CFAP54: variants seen among roughly 807,000 people sequenced by gnomAD.
CFAP54 encodes cilia- and flagella-associated protein 54.
A neutral mutation model predicts 370.4 loss-of-function variants in CFAP54; 290 were observed. The observed-to-expected ratio is 0.78, with a 90% CI of 0.71 to 0.86. The LOEUF is 0.86. Among genes scored for constraint, CFAP54 ranks in the 40% least tolerant of loss-of-function variants. The probability of loss-of-function intolerance (pLI) is 0.00; values close to 1 mark genes in which losing one functional copy is unlikely to be tolerated. For synonymous variants in CFAP54, 1,206 were observed against 1,236.5 expected (o/e 0.98, Z 0.52); for missense variants, 3,399 against 3,528.7 (o/e 0.96, Z 0.93).
Position 96,739,859 on chromosome 12 carries a change from G to A in CFAP54, c.6966-97G>A, listed in dbSNP as rs945019146. On this transcript the variant is annotated intron_variant, in intron 50 of 67. Coordinates refer to ENST00000524981, the MANE Select transcript of CFAP54 (RefSeq NM_001306084.2). ...ACAGTTTTGGGGGTTGTTGGCTGGGGTGTGAGAATGTTTTTTGGAGAAAGT... is the reference window on the plus strand; with the variant it reads ...ACAGTTTTGGGGGTTGTTGGCTGGGATGTGAGAATGTTTTTTGGAGAAAGT... 4.2e-6 allele frequency: 3 copies of A among 714,740 alleles called. No homozygotes were observed. In the African/African-American group the frequency reaches 5.4e-5, roughly 13 times the overall value. 44.3% of individuals were successfully genotyped at this position (714,740 alleles called of 1,614,324 possible). A position where few individuals can be genotyped will look rare whatever the true frequency, so the allele number is the denominator to read the frequency against.
chr12:96,637,095 C>T (rs930233561), intron 32 of CFAP54, among the ~76,000 whole-genome samples: 2 of 149,244 alleles, frequency 1.3e-5, no homozygotes, highest in Non-Finnish European at 2.9e-5. Context: ...GAATCCACTT[C>T]CTGTTTCTAC....
chr12:96,541,388 C>T (rs980729725), intron 14 of CFAP54, among the ~76,000 whole-genome samples: 5 of 151,158 alleles, frequency 3.3e-5, no homozygotes, highest in Admixed American at 2.6e-4. Flanking sequence ...CAGGTTCAAG[C>T]GATTCTCCTG....
In CFAP54 at chr12:96,664,769, ATCTATATC is replaced by A. The variant is rs1241384124; in HGVS notation, c.5563+839_5563+846del. On this transcript the variant is annotated intron_variant, in intron 39 of 67. Transcript: ENST00000524981. ...TATATATATATCTATATATATCTAT[ATCTATATC>A]TATATATATATATATATATATATAT... is the stretch of plus-strand genomic sequence containing the variant. Among the ~76,000 whole-genome samples, 9 of 39,806 alleles carry A rather than the reference ATCTATATC, an allele frequency of 2.3e-4. 1 individual carries two copies. The highest frequency in any genetic ancestry group is 5.1e-4 in the Admixed American group (2 of 3,894). 26.1% of individuals were successfully genotyped at this position (39,806 alleles called of 152,430 possible).
chr12:96,609,973 T>TTAGG (rs1956338176), intron 26 of CFAP54, among the ~76,000 whole-genome samples: 1 of 152,258 alleles, frequency 6.6e-6, no homozygotes, highest in Non-Finnish European at 1.5e-5. Flanking sequence ...AAATAATATT[T>TTAGG]AAATTTAATA....
At chr12:96,551,718 T>TA (rs1227423734) in intron 15 of CFAP54, among the ~76,000 whole-genome samples, 3 of 152,040 alleles carry the variant, frequency 2.0e-5, no homozygotes, top group Non-Finnish European at 4.4e-5. Flanking sequence ...AACCATCCTT[T>TA]AAAAAAATAA....
chr12:96,637,244 G>C (rs534475441), intron 32 of CFAP54, among the ~76,000 whole-genome samples: 1 of 152,172 alleles, frequency 6.6e-6, no homozygotes, highest in East Asian at 1.9e-4. Flanking sequence ...CTTTATTGCT[G>C]CATAATATTT....
At position 96,633,303 on chromosome 12, in the gene CFAP54, T is replaced by G. The variant is rs182021888; in HGVS notation, c.4316+2652T>G. The stretch of plus-strand genomic sequence containing the variant: ...TAAAACTTTCTTATTTCCAGATAAT[T>G]ATAGATGCATGTGCAGTTATAAGAA... On this transcript the variant is annotated intron_variant, in intron 32 of 67. Transcript: ENST00000524981. 9.2e-5 allele frequency among the ~76,000 whole-genome samples: 14 copies of G among 152,366 alleles called. No homozygotes were observed. The East Asian group carries it at 2.7e-3, about 29-fold the overall frequency.
chr12:96,489,885 A>T lies in CFAP54; in HGVS notation c.276A>T (p.Leu92Phe). The T allele has an allele frequency of 6.5e-7, 1 of 1,535,078 alleles. No homozygotes were observed. Among genetic ancestry groups the T allele is most frequent in the South Asian group, 1.2e-5 (1 of 84,054 alleles). ...LLGFMRKKKALATTEEEKHEF... is the reference protein window; with the variant it reads ...LLGFMRKKKAFATTEEEKHEF... ...GCTTTATGAGGAAAAAGAAGGCTTT[A>T]GCCACCACGGAGGAAGAGAAGCACG... The change falls in exon 1 of 68, where the codon TTA becomes TTT. Residue 92 changes from leucine to phenylalanine, a missense_variant. By Grantham distance (22) the Leu-to-Phe change is conservative (BLOSUM62 0). Around this residue, in one of 3 missense-constraint regions of CFAP54, gnomAD observed 559 missense variants for 576.7 expected, o/e 0.97. Coordinates refer to ENST00000524981, the MANE Select transcript of CFAP54 (RefSeq NM_001306084.2).
chr12:96,550,997 G>A (rs185575877), intron 15 of CFAP54, among the ~76,000 whole-genome samples: 2 of 152,318 alleles, frequency 1.3e-5, no homozygotes, highest in East Asian at 3.9e-4. Flanking sequence ...CCTGGGTATG[G>A]TGGCTCACGC....
chr12:96,825,583 T>A (rs1276558923), intron 65 of CFAP54, among the ~76,000 whole-genome samples: 1 of 119,158 alleles, frequency 8.4e-6, no homozygotes, highest in African/African-American at 3.4e-5. Context: ...ATAATAATTA[T>A]ATATACATAT....
chr12:96,758,577 G>A (rs1958293784), intron 58 of CFAP54, among the ~76,000 whole-genome samples: 2 of 152,176 alleles, frequency 1.3e-5, no homozygotes, highest in Non-Finnish European at 2.9e-5. Flanking sequence ...TGAGGACACA[G>A]CCAAACCATA....
At chr12:96,557,639 T>C (rs1351343328) in intron 17 of CFAP54, among the ~76,000 whole-genome samples, 2 of 152,068 alleles carry the variant, frequency 1.3e-5, no homozygotes, top group African/African-American at 4.8e-5. Flanking sequence ...TCTAGAAACA[T>C]AATTTTTGTT....
At chr12:96,809,364 G>A (rs528676464) in intron 63 of CFAP54, among the ~76,000 whole-genome samples, 6 of 151,876 alleles carry the variant, frequency 4.0e-5, no homozygotes, top group East Asian at 1.9e-4. Context: ...TATTATCTAC[G>A]TTTTTAAATT....
At chr12:96,801,718 G>C (rs1446713228) in intron 63 of CFAP54, among the ~76,000 whole-genome samples, 1 of 152,132 alleles carries the variant, frequency 6.6e-6, no homozygotes, top group Non-Finnish European at 1.5e-5. Context: ...TTATAACTTG[G>C]GAAGGCTCAA....
intron 20 of CFAP54, among the ~76,000 whole-genome samples, chr12:96,577,037 T>C (rs144086283): frequency 1.3e-5 from 2 of 152,344 alleles, no homozygotes; most frequent in African/African-American, 4.8e-5. Flanking sequence ...TAAGTATCCT[T>C]GTCACCATGA....
chr12:96,512,301 T>TTTTATA (rs1473973322), intron 4 of CFAP54, among the ~76,000 whole-genome samples: 44 of 31,130 alleles, frequency 1.4e-3, no homozygotes, highest in African/African-American at 3.3e-3. Flanking sequence ...GGAACCAATT[T>TTTTATA]TATATATATA....
chr12:96,502,858 A>G (rs563692703), intron 2 of CFAP54, among the ~76,000 whole-genome samples: 3 of 152,356 alleles, frequency 2.0e-5, no homozygotes, highest in East Asian at 3.9e-4. Flanking sequence ...ATTTGAATGA[A>G]TAAAAATCCC....
At chr12:96,522,859 T>C (rs1002464547) in intron 8 of CFAP54, among the ~76,000 whole-genome samples, 1 of 152,178 alleles carries the variant, frequency 6.6e-6, no homozygotes, top group Non-Finnish European at 1.5e-5. Context: ...GGAAGTGACA[T>C]GAGTCTGTTC....
At chr12:96,708,184 C>T (rs530256384) in intron 47 of CFAP54, among the ~76,000 whole-genome samples, 13 of 152,208 alleles carry the variant, frequency 8.5e-5, no homozygotes, top group African/African-American at 3.1e-4. Context: ...TGACGGTGGA[C>T]TCTAAGCTGG....
Sources: allele counts gnomAD v4.1 joint callset (sites outside exome capture counted in the v4.1 genomes callset), GRCh38; gene constraint gnomAD v4.1.1; regional missense constraint gnomAD v4.1.1; transcripts MANE v1.5; gene names NCBI Gene and HGNC (gene_info 2026-07-23, HGNC 2026-07-21).